Variants in RORB observed in about 807,000 individuals in gnomAD.
RORB encodes nuclear receptor ROR-beta.
A neutral mutation model predicts 59.1 loss-of-function variants in RORB; 6 were observed. The ratio of observed to expected loss-of-function variants is 0.10; its 90% CI spans 0.06 to 0.20. RORB has a LOEUF of 0.20. Among genes scored for constraint, RORB ranks in the 10% least tolerant of loss-of-function variants. RORB has a pLI of 1.00. For missense variants in RORB, 320 were observed against 560.5 expected (o/e 0.57, Z 4.33); for synonymous variants, 215 against 204.5 (o/e 1.05, Z -0.44).
At chr9:74,542,827 G>T (rs1334542291) in intron 1 of RORB, among the ~76,000 whole-genome samples, 4 of 152,156 alleles carry the variant, frequency 2.6e-5, no homozygotes, top group African/African-American at 9.7e-5. Context: ...GTGGGGTATT[G>T]TGGAAAGCCT....
chr9:74,602,904 T>G (rs888970264), intron 1 of RORB, among the ~76,000 whole-genome samples: 11 of 152,338 alleles, frequency 7.2e-5, no homozygotes, highest in Admixed American at 7.2e-4. Context: ...ATGTTTATAA[T>G]GCTCTCCCAA....
intron 1 of RORB, among the ~76,000 whole-genome samples, chr9:74,502,592 G>C (rs553133852): frequency 7.2e-5 from 11 of 151,864 alleles, no homozygotes; most frequent in Non-Finnish European, 1.5e-4. Context: ...GCATATTATA[G>C]CATTCAATTA....
At chr9:74,510,695 A>G (rs1825925522) in intron 1 of RORB, among the ~76,000 whole-genome samples, 1 of 152,190 alleles carries the variant, frequency 6.6e-6, no homozygotes, top group Admixed American at 6.5e-5. Context: ...CTAAAATATA[A>G]AAGAGTGCTT....
chr9:74,627,875 G>A (rs1302942138), intron 1 of RORB, among the ~76,000 whole-genome samples: 3 of 151,758 alleles, frequency 2.0e-5, no homozygotes, highest in African/African-American at 7.3e-5. Context: ...CTTTGATAAA[G>A]GAATAATAAT....
At chr9:74,655,100 A>G (rs1824058922) in intron 4 of RORB, among the ~76,000 whole-genome samples, 2 of 152,188 alleles carry the variant, frequency 1.3e-5, no homozygotes, top group East Asian at 3.8e-4. Context: ...ATATCATTAT[A>G]TTAACTATCA....
chr9:74,605,075 T>C (rs565048162), intron 1 of RORB, among the ~76,000 whole-genome samples: 202 of 152,330 alleles, frequency 1.3e-3, no homozygotes, highest in African/African-American at 4.5e-3. Flanking sequence ...TGTGCACATG[T>C]ATTTCTCTTT....
In RORB at chr9:74,686,815, T is replaced by C. The variant is rs899741310; in HGVS notation, c.*1197T>C. ...ATGTATTTGTTAGGAAAAGTGGCAA[T>C]AAAGGGGGAGGCATATTATAAAATG... On this transcript the variant is annotated 3_prime_UTR_variant, in exon 10 of 10. Transcript: ENST00000376896. 6.6e-6 allele frequency: 1 copy of C among 152,270 alleles called. No individual in the cohort carries two copies. The highest frequency in any genetic ancestry group is 2.4e-5 in the African/African-American group (1 of 41,328). The allele number at this position is 152,270 out of a possible 1,614,324, so 9.4% of individuals were successfully genotyped here.
chr9:74,603,984 C>G lies in RORB; in HGVS notation c.8-26298C>G, dbSNP rs113802588. On this transcript the variant is annotated intron_variant, in intron 1 of 9. Transcript: ENST00000376896. Reference sequence around the variant, plus strand: ...AGAGGAGAGAGTTTATTCCCTTCCACGTGAACGGATCAGTGCAAGCTGGTA... The same window carrying G: ...AGAGGAGAGAGTTTATTCCCTTCCAGGTGAACGGATCAGTGCAAGCTGGTA... Among the ~76,000 whole-genome samples the G allele has an allele frequency of 1.3e-5, 2 of 152,192 alleles. 1 individual carries two copies. Among genetic ancestry groups the G allele is most frequent in the African/African-American group, 4.8e-5 (2 of 41,450 alleles).
intron 9 of RORB, among the ~76,000 whole-genome samples, chr9:74,674,618 T>G (rs563956704): frequency 6.6e-6 from 1 of 152,330 alleles, no homozygotes; most frequent in East Asian, 1.9e-4. Flanking sequence ...CAGGTAGCAG[T>G]GCCTTCTACT....
intron 1 of RORB, among the ~76,000 whole-genome samples, chr9:74,629,866 T>C (rs996170): frequency 0.94 from 143,786 of 152,226 alleles, 68,471 homozygotes; most frequent in East Asian, 1. Flanking sequence ...TATTTATGTA[T>C]TTATTTTAAA....
chr9:74,674,378 T>C, intron 9 of RORB, among the ~76,000 whole-genome samples: 1 of 152,142 alleles, frequency 6.6e-6, no homozygotes, highest in East Asian at 1.9e-4. Context: ...GTACCCGAAA[T>C]GTTGTGTTGA....
rs1213523831 is a variant in RORB at position 74,689,455 on chromosome 9, C to T, written c.*3837C>T. Reference sequence around the variant, plus strand: ...ACTGAAAGCTGAAGGTGGAGATGTTCTCCACAAACATACCCTTTCTGAATT... The same window carrying T: ...ACTGAAAGCTGAAGGTGGAGATGTTTTCCACAAACATACCCTTTCTGAATT... On this transcript the variant is annotated 3_prime_UTR_variant, in exon 10 of 10. Coordinates refer to ENST00000376896, the MANE Select transcript of RORB (RefSeq NM_006914.4). 2 of 152,240 alleles carry T rather than the reference C, an allele frequency of 1.3e-5. No individual in the cohort carries two copies. Among genetic ancestry groups the T allele is most frequent in the Non-Finnish European group, 2.9e-5 (2 of 68,078 alleles). The allele number at this position is 152,240 out of a possible 1,614,324, so 9.4% of individuals were successfully genotyped here.
At chr9:74,556,776 G>A (rs1220244503) in intron 1 of RORB, among the ~76,000 whole-genome samples, 1 of 152,110 alleles carries the variant, frequency 6.6e-6, no homozygotes, top group Admixed American at 6.6e-5. Flanking sequence ...CCAGGATGGG[G>A]GCGGTAGGAA....
rs575282452 is a variant in RORB at position 74,595,651 on chromosome 9, C to T, written c.8-34631C>T. Among the ~76,000 whole-genome samples, 10 of 152,240 alleles carry T rather than the reference C, an allele frequency of 6.6e-5. No homozygotes were observed. In the South Asian group the frequency reaches 2.1e-3, roughly 32 times the overall value. On this transcript the variant is annotated intron_variant, in intron 1 of 9. Transcript: ENST00000376896. ...TTTGTCAAAGACAGAATTGTTTTGC[C>T]GGTTTACCACTTTCTGTGTCACCCT...
rs2118504705 is a variant in RORB at position 74,658,289 on chromosome 9, G to A, written c.638-2328G>A. Among the ~76,000 whole-genome samples the A allele has an allele frequency of 2.0e-5, 3 of 152,266 alleles. No homozygotes were observed. In the South Asian group the frequency reaches 6.2e-4, roughly 32 times the overall value. On this transcript the variant is annotated intron_variant, in intron 4 of 9. Coordinates refer to ENST00000376896, the MANE Select transcript of RORB (RefSeq NM_006914.4). Reference sequence around the variant, plus strand: ...GATGGCAGCCAGCCCTTCTTCCTGAGGACATGGTTGGCAGGGAAACTTTCA... The same window carrying A: ...GATGGCAGCCAGCCCTTCTTCCTGAAGACATGGTTGGCAGGGAAACTTTCA...
chr9:74,646,106 G>A (rs1424229129), intron 4 of RORB, among the ~76,000 whole-genome samples: 1 of 145,046 alleles, frequency 6.9e-6, no homozygotes, highest in African/African-American at 2.6e-5. Context: ...TCCTGACTGG[G>A]TGAATTTGAG....
intron 1 of RORB, among the ~76,000 whole-genome samples, chr9:74,543,510 G>A (rs1826444434): frequency 6.6e-6 from 1 of 152,110 alleles, no homozygotes; most frequent in African/African-American, 2.4e-5. Context: ...CACTATTCTA[G>A]CCCTGACTTC....
At chr9:74,576,377 T>C (rs1822635026) in intron 1 of RORB, among the ~76,000 whole-genome samples, 1 of 152,064 alleles carries the variant, frequency 6.6e-6, no homozygotes, top group Non-Finnish European at 1.5e-5. Flanking sequence ...AGCCATTCTG[T>C]GGCCTGCCTT....
At chr9:74,664,005 ACAT>A (rs1824230256) in intron 6 of RORB, among the ~76,000 whole-genome samples, 1 of 152,188 alleles carries the variant, frequency 6.6e-6, no homozygotes, top group South Asian at 2.1e-4. Flanking sequence ...AAGATAGGAG[ACAT>A]GGATTCTACT....
Sources: gnomAD v4.1 joint callset for allele counts (sites outside exome capture counted in the v4.1 genomes callset) on GRCh38, gnomAD v4.1.1 for gene constraint, MANE v1.5 for transcripts, NCBI Gene and HGNC (gene_info 2026-07-23, HGNC 2026-07-21) for gene names.